The following TRIM66 variants were observed in gnomAD, a reference collection of about 807,000 sequenced individuals.
TRIM66 encodes tripartite motif-containing protein 66.
A neutral mutation model predicts 148.2 loss-of-function variants in TRIM66; 99 were observed. That is an observed-to-expected ratio of 0.67 (90% CI 0.57 to 0.79). The LOEUF is 0.79. Ranked by LOEUF, TRIM66 falls within the 30% of genes least tolerant of loss-of-function variation. The pLI is 0.00. For synonymous variants in TRIM66, 616 were observed against 635.9 expected (o/e 0.97, Z 0.47); for missense variants, 1,666 against 1,697.9 (o/e 0.98, Z 0.33).
chr11:8,654,478 G>A (rs975269846), intron 6 of TRIM66: 6 of 152,100 alleles, frequency 3.9e-5, no homozygotes, highest in South Asian at 4.1e-4. Flanking sequence ...AATTTCCCCC[G>A]GGATGAGTTA....
chr11:8,635,698 A>C (rs1366543293), intron 15 of TRIM66, among the ~76,000 whole-genome samples: 2 of 152,172 alleles, frequency 1.3e-5, no homozygotes, highest in African/African-American at 2.4e-5. Context: ...CCTTTTAATA[A>C]GGGGCAGAAG....
chr11:8,624,952 T>G lies in TRIM66; in HGVS notation c.2587A>C (p.Ile863Leu). The stretch of plus-strand genomic sequence containing the variant: ...GCCATAGCCTGAGGGGAGTCACTTA[T>G]CAGGTTGGGCATGGACTGGAATGTG... ...HSTFQSMPNL[I>L]SDSPQAMASL... The change falls in exon 16 of 25, where the codon ATA (isoleucine) becomes CTA (leucine). Residue 863 changes from isoleucine (I) to leucine (L), a missense_variant. Transcript: ENST00000646038. 1 of 1,551,680 alleles carries G rather than the reference T, an allele frequency of 6.4e-7. No individual in the cohort carries two copies. Among genetic ancestry groups the G allele is most frequent in the South Asian group, 1.2e-5 (1 of 84,054 alleles).
At position 8,640,852 on chromosome 11, in the gene TRIM66, C is replaced by T. The variant is rs2036323218; in HGVS notation, c.1523G>A (p.Cys508Tyr). Residue 508 changes from cysteine (C) to tyrosine (Y), a missense_variant, in exon 14 of 25, where the codon TGC (cysteine) becomes TAC (tyrosine). By Grantham distance (194) the Cys-to-Tyr change is radical. This residue lies in a region of TRIM66 where 1,431 missense variants were observed against 1,412.4 expected (regional missense o/e 1.01). Transcript: ENST00000646038. Reference sequence around the variant, plus strand: ...TTTCTCCCTGGGCAGCAGGGCAGAGCACTGCAGAGACCCCAGCTGCTGGGG... The same window carrying T: ...TTTCTCCCTGGGCAGCAGGGCAGAGTACTGCAGAGACCCCAGCTGCTGGGG... ...MVPQQLGSLQCSALLPREKEL... is the reference protein window; with the variant it reads ...MVPQQLGSLQYSALLPREKEL... 4 of 1,550,440 alleles carry T rather than the reference C, an allele frequency of 2.6e-6. No homozygotes were observed. Among genetic ancestry groups the T allele is most frequent in the Non-Finnish European group, 3.5e-6 (4 of 1,146,976 alleles).
At position 8,640,788 on chromosome 11, in the gene TRIM66, C is replaced by T. The variant is rs2036317380; in HGVS notation, c.1587G>A (p.Gln529=). 6.4e-7 allele frequency: 1 copy of T among 1,551,048 alleles called. No individual in the cohort carries two copies. Among genetic ancestry groups the T allele is most frequent in the South Asian group, 1.2e-5 (1 of 84,040 alleles). ...CGGGGGGCTGGGTTTCCAGCCAGGG[C>T]TGCAGCAGCTTTGGTGGATGAGGGC... ...ACSPHPPKLL[Q]PWLETQPPVE... is the part of the protein sequence containing the mutation. The change falls in exon 14 of 25, where the codon CAG becomes CAA. Residue 529 remains glutamine, a synonymous_variant. Coordinates refer to ENST00000646038, the MANE Select transcript of TRIM66 (RefSeq NM_001388022.1).
At chr11:8,642,908 G>A in intron 13 of TRIM66, 101 bp downstream of exon 13, 1 of 469,480 alleles carries the variant, frequency 2.1e-6, no homozygotes, top group Non-Finnish European at 3.4e-6. Context: ...CAGTCCCAGA[G>A]AGTGCTTTCT....
At chr11:8,675,624 C>T (rs1047866534) in intron 3 of TRIM66, among the ~76,000 whole-genome samples, 1 of 152,188 alleles carries the variant, frequency 6.6e-6, no homozygotes, top group African/African-American at 2.4e-5. Context: ...TCAGATGATC[C>T]ACCTGCCTTG....
chr11:8,641,232 G>C, intron 13 of TRIM66, 80 bp from the exon 14 acceptor site: 1 of 1,275,406 alleles, frequency 7.8e-7, no homozygotes, highest in East Asian at 2.5e-5. Flanking sequence ...TGGGACAAAA[G>C]AACCTCATTC....
Position 8,645,733 on chromosome 11 carries a change from C to T in TRIM66, c.1104+8G>A. On this transcript the variant is annotated splice_region_variant and intron_variant, in intron 12 of 24. Transcript: ENST00000646038. ...GGACAGGCTGAGGAGTTGGGAGATT[C>T]CTCTTACCAGCTCTTTGCTGAAAAG... 1.3e-6 allele frequency: 2 copies of T among 1,551,586 alleles called. No homozygotes were observed. Among genetic ancestry groups the T allele is most frequent in the Non-Finnish European group, 1.7e-6 (2 of 1,146,876 alleles).
intron 18 of TRIM66, among the ~76,000 whole-genome samples, chr11:8,622,365 C>CACACATATATATATATATAT: frequency 3.4e-5 from 2 of 59,570 alleles, no homozygotes; most frequent in Non-Finnish European, 7.8e-5. Flanking sequence ...CACACACACA[C>CACACATATATATATATATAT]ATATATATAT....
chr11:8,656,336 T>C (rs2037827260), intron 6 of TRIM66, among the ~76,000 whole-genome samples: 1 of 152,234 alleles, frequency 6.6e-6, no homozygotes, highest in South Asian at 2.1e-4. Context: ...CATGCTTTTT[T>C]CTATTTTATT....
chr11:8,622,055 A>G (rs1473280590), intron 18 of TRIM66, among the ~76,000 whole-genome samples: 1 of 151,904 alleles, frequency 6.6e-6, no homozygotes, highest in Non-Finnish European at 1.5e-5. Flanking sequence ...GGCACCATCT[A>G]ATCAGCTGCC....
chr11:8,648,133 T>C, intron 9 of TRIM66, 47 bp from the exon 10 acceptor site: 1 of 1,467,862 alleles, frequency 6.8e-7, no homozygotes, highest in Non-Finnish European at 9.3e-7. Flanking sequence ...GAGTCCTACT[T>C]TGAGCATGCC....
At chr11:8,637,878 G>A (rs115814838) in intron 15 of TRIM66, among the ~76,000 whole-genome samples, 2,334 of 152,310 alleles carry the variant, frequency 0.015, 67 homozygotes, top group African/African-American at 0.053. Flanking sequence ...GCACAGCACT[G>A]AGGCTCCAGC....
In TRIM66 at chr11:8,618,607, G is replaced by A; in HGVS notation, c.4119+143C>T. The stretch of plus-strand genomic sequence containing the variant: ...CCCTGTACTGCCCTGCCTTCCCTGG[G>A]GGCTAAGGGGCTGGAAGTGAGGGTT... On this transcript the variant is annotated intron_variant, in intron 24 of 24. Transcript: ENST00000646038. 4.0e-6 allele frequency: 3 copies of A among 745,358 alleles called. No homozygotes were observed. The South Asian group carries it at 5.3e-5, about 13-fold the overall frequency. 46.2% of individuals were successfully genotyped at this position (745,358 alleles called of 1,614,324 possible).
In TRIM66 at chr11:8,625,214, C is replaced by T; in HGVS notation, c.2325G>A (p.Leu775=). 1 of 1,505,482 alleles carries T rather than the reference C, an allele frequency of 6.6e-7. No individual in the cohort carries two copies. Among genetic ancestry groups the T allele is most frequent in the South Asian group, 1.3e-5 (1 of 75,346 alleles). The allele number at this position is 1,505,482 out of a possible 1,614,324, so 93.3% of individuals were successfully genotyped here. Residue 775 remains leucine (L), a synonymous_variant, in exon 16 of 25, where the codon CTG becomes CTA. Coordinates refer to ENST00000646038, the MANE Select transcript of TRIM66 (RefSeq NM_001388022.1). ...GAGTGTTGGAAAAGCCCATGATGCT[C>T]AGCGAGGTGGAGTGCTGCAGGAACA... The part of the protein sequence containing the change: ...PNVVRKHSTS[L]SIMGFSNTLE...
chr11:8,677,516 T>C (rs1413533499), intron 3 of TRIM66, among the ~76,000 whole-genome samples: 2 of 152,194 alleles, frequency 1.3e-5, no homozygotes, highest in African/African-American at 2.4e-5. Context: ...GTGATGGTCA[T>C]GCCTGTAATC....
Position 8,641,077 on chromosome 11 carries a change from G to C in TRIM66, c.1298C>G (p.Pro433Arg). ...TGGAGACTGGTGGCTTTGATAAAAGGGTGATGACCCCTGTAAGCCTCCATA... is the reference window on the plus strand; with the variant it reads ...TGGAGACTGGTGGCTTTGATAAAAGCGTGATGACCCCTGTAAGCCTCCATA... ...PAYGGLQGSS[P>R]FYQSHQSPVA... The change falls in exon 14 of 25, where the codon CCC (proline) becomes CGC (arginine). Residue 433 changes from proline to arginine, a missense_variant. Physicochemically the swap from Pro to Arg is moderately radical, Grantham distance 103. This residue lies in a region of TRIM66 where 1,431 missense variants were observed against 1,412.4 expected (regional missense o/e 1.01). Coordinates refer to ENST00000646038, the MANE Select transcript of TRIM66 (RefSeq NM_001388022.1). The C allele has an allele frequency of 6.4e-7, 1 of 1,551,716 alleles. No individual in the cohort carries two copies. The highest frequency in any genetic ancestry group is 8.7e-7 in the Non-Finnish European group (1 of 1,146,994).
In TRIM66 at chr11:8,624,703, C is replaced by G; in HGVS notation, c.2826+10G>C. 2.0e-6 allele frequency: 3 copies of G among 1,493,756 alleles called. No individual in the cohort carries two copies. Among genetic ancestry groups the G allele is most frequent in the Non-Finnish European group, 2.7e-6 (3 of 1,118,384 alleles). 92.5% of individuals were successfully genotyped at this position (1,493,756 alleles called of 1,614,324 possible). A position where few individuals can be genotyped will look rare whatever the true frequency, so the allele number is the denominator to read the frequency against. On this transcript the variant is annotated intron_variant, in intron 16 of 24. Coordinates refer to ENST00000646038, the MANE Select transcript of TRIM66 (RefSeq NM_001388022.1). ...AAAGGAAGTTTGGATAGCATTTCCC[C>G]AGGACTTACCTTACACAGAGCATTC...
intron 15 of TRIM66, 85 bp downstream of exon 15, chr11:8,638,569 C>A (rs572289234): frequency 2.1e-6 from 3 of 1,457,034 alleles, no homozygotes; most frequent in African/African-American, 2.9e-5. Context: ...GCTCCTCCCC[C>A]CACCCTATCC....
Sources: gnomAD v4.1 joint callset for allele counts (sites outside exome capture counted in the v4.1 genomes callset) on GRCh38, gnomAD v4.1.1 for gene constraint, gnomAD v4.1.1 regional missense constraint, MANE v1.5 for transcripts, NCBI Gene and HGNC (gene_info 2026-07-23, HGNC 2026-07-21) for gene names.